Variants in RNF19A observed in about 807,000 individuals in gnomAD.
The protein encoded by RNF19A is E3 ubiquitin-protein ligase RNF19A.
In RNF19A, 32 loss-of-function variants were observed where a neutral mutation model predicts 75.7. The ratio of observed to expected loss-of-function variants is 0.42; its 90% CI spans 0.32 to 0.57. RNF19A has a LOEUF of 0.57. Among genes scored for constraint, RNF19A ranks in the 20% least tolerant of loss-of-function variants. The pLI is 0.10. For missense variants in RNF19A, 782 were observed against 1,036.3 expected (o/e 0.75, Z 3.37); for synonymous variants, 335 against 345.2 (o/e 0.97, Z 0.33).
At chr8:100,335,177 C>T (rs1163177420) in intron 1 of RNF19A, among the ~76,000 whole-genome samples, 1 of 152,100 alleles carries the variant, frequency 6.6e-6, no homozygotes, top group African/African-American at 2.4e-5. Context: ...ACATAGCTCC[C>T]CTATTTATAT....
rs1822492736 is a variant in RNF19A at position 100,323,717 on chromosome 8, A to G, written c.-242-10345T>C. On this transcript the variant is annotated intron_variant, in intron 1 of 3. Transcript: ENST00000519527. This position sits in a 1 kb window ranked among gnomAD's most constrained non-coding sequence, Gnocchi z 4.6. ...TAATTGAAAGTTTGTGTGATATGAA[A>G]AGATAGGCAAGAGATGACATATAAT... Among the ~76,000 whole-genome samples the G allele has an allele frequency of 6.6e-6, 1 of 152,224 alleles. No homozygotes were observed. Among genetic ancestry groups the G allele is most frequent in the Non-Finnish European group, 1.5e-5 (1 of 68,038 alleles).
chr8:100,301,849 A>C (rs757066702), intron 1 of RNF19A, among the ~76,000 whole-genome samples: 1 of 152,212 alleles, frequency 6.6e-6, no homozygotes, highest in Non-Finnish European at 1.5e-5. Context: ...ACTATTTTAA[A>C]CAGGGTGATC....
chr8:100,264,985 G>T lies in RNF19A; in HGVS notation c.1192-200C>A, dbSNP rs913957826. Among the ~76,000 whole-genome samples, 1 of 152,138 alleles carries T rather than the reference G, an allele frequency of 6.6e-6. No individual in the cohort carries two copies. The highest frequency in any genetic ancestry group is 6.5e-5 in the Admixed American group (1 of 15,272). ...ATTTGCTCCTTATTAATTTGCTTAAGACAGTGATTTAATGGATTTTACTTT... is the reference window on the plus strand; with the variant it reads ...ATTTGCTCCTTATTAATTTGCTTAATACAGTGATTTAATGGATTTTACTTT... On this transcript the variant is annotated intron_variant, in intron 5 of 9. Transcript: ENST00000341084. The surrounding 1 kb of genome is among the most constrained non-coding windows in gnomAD (Gnocchi z 4.7).
intron 1 of RNF19A, among the ~76,000 whole-genome samples, chr8:100,290,338 G>C (rs1311815219): frequency 1.3e-5 from 2 of 152,164 alleles, no homozygotes; most frequent in Non-Finnish European, 2.9e-5. Flanking sequence ...CTGACCTCAA[G>C]TGATCCGCCC....
rs1192241233 is a variant in RNF19A at position 100,330,287 on chromosome 8, A to G, written c.-243+5821T>C. Among the ~76,000 whole-genome samples the G allele has an allele frequency of 6.6e-6, 1 of 152,116 alleles. No individual in the cohort carries two copies. The highest frequency in any genetic ancestry group is 1.9e-4 in the East Asian group (1 of 5,194). On this transcript the variant is annotated intron_variant, in intron 1 of 3. Transcript: ENST00000519527. The surrounding 1 kb of genome is among the most constrained non-coding windows in gnomAD (Gnocchi z 4.1). ...TTGTTTTTGACCATAGTGGACTGTT[A>G]TTATTTTTATTATTTTCAACTGTTC...
At chr8:100,308,853 T>A (rs1822169310) in intron 1 of RNF19A, among the ~76,000 whole-genome samples, 1 of 152,212 alleles carries the variant, frequency 6.6e-6, no homozygotes, top group Non-Finnish European at 1.5e-5. Flanking sequence ...TTTTCTAACG[T>A]CACCCCAACA....
rs769705317 is a variant in RNF19A at position 100,329,492 on chromosome 8, G to A, written c.-243+6616C>T. 6.6e-6 allele frequency among the ~76,000 whole-genome samples: 1 copy of A among 152,176 alleles called. No homozygotes were observed. Among genetic ancestry groups the A allele is most frequent in the Non-Finnish European group, 1.5e-5 (1 of 68,028 alleles). On this transcript the variant is annotated intron_variant, in intron 1 of 3. Coordinates refer to the RNF19A transcript ENST00000519527. This position sits in a 1 kb window ranked among gnomAD's most constrained non-coding sequence, Gnocchi z 4.3. The stretch of plus-strand genomic sequence containing the variant: ...AGTCAGTGAATCTTAGGTTGCATTA[G>A]CAAAGCATGTATAGTGTCCAGATAA...
At chr8:100,302,805 C>T (rs1463403753) in intron 1 of RNF19A, among the ~76,000 whole-genome samples, 1 of 152,132 alleles carries the variant, frequency 6.6e-6, no homozygotes, top group African/African-American at 2.4e-5. Flanking sequence ...TAGTGTTTTA[C>T]TCATTCCCCT....
At chr8:100,289,007 C>T (rs1821165423) in intron 1 of RNF19A, among the ~76,000 whole-genome samples, 1 of 150,252 alleles carries the variant, frequency 6.7e-6, no homozygotes, top group Non-Finnish European at 1.5e-5. Context: ...TTGCAGTGAG[C>T]CGAGATTGCG....
At chr8:100,285,226 T>C (rs1359986560) in intron 2 of RNF19A, among the ~76,000 whole-genome samples, 1 of 152,226 alleles carries the variant, frequency 6.6e-6, no homozygotes, top group Non-Finnish European at 1.5e-5. Context: ...AGTAGGTTAA[T>C]CATTCACCTA....
At chr8:100,306,894 T>C (rs191767755) in intron 1 of RNF19A, among the ~76,000 whole-genome samples, 14 of 152,314 alleles carry the variant, frequency 9.2e-5, no homozygotes, top group Non-Finnish European at 1.3e-4. Flanking sequence ...AAGAAAAATT[T>C]AGCTATTCTC....
chr8:100,268,217 T>G (rs1304528314), intron 5 of RNF19A, among the ~76,000 whole-genome samples: 1 of 152,094 alleles, frequency 6.6e-6, no homozygotes, highest in African/African-American at 2.4e-5. Flanking sequence ...CCATTAACCC[T>G]TAACAAAAGA....
rs1197553833 is a variant in RNF19A at position 100,261,880 on chromosome 8, A to AT, written c.1469-126dup. 6.1e-6 allele frequency: 6 copies of AT among 977,772 alleles called. No homozygotes were observed. Among genetic ancestry groups the AT allele is most frequent in the African/African-American group, 1.6e-5 (1 of 61,262 alleles). The allele number at this position is 977,772 out of a possible 1,614,324, so 60.6% of individuals were successfully genotyped here. On this transcript the variant is annotated intron_variant, in intron 7 of 9. Transcript: ENST00000341084. This position sits in a 1 kb window ranked among gnomAD's most constrained non-coding sequence, Gnocchi z 4.4. ...AAAATATACGCAGACATGGAAAAAT[A>AT]TTTTTTTCAGGCTAGTCCACTAGAA...
chr8:100,290,243 C>A (rs1821226755), intron 1 of RNF19A, among the ~76,000 whole-genome samples: 1 of 152,118 alleles, frequency 6.6e-6, no homozygotes, highest in African/African-American at 2.4e-5. Context: ...GCTGGGATTA[C>A]AGGCATGCGC....
rs1318539935 is a variant in RNF19A at position 100,260,880 on chromosome 8, A to G, written c.1682+662T>C. On this transcript the variant is annotated intron_variant, in intron 8 of 9. Coordinates refer to ENST00000341084, the MANE Select transcript of RNF19A (RefSeq NM_183419.4). This position sits in a 1 kb window ranked among gnomAD's most constrained non-coding sequence, Gnocchi z 4.1. ...CCGGTCCCAGTTCACACATTCCTGGATGTCCTGACTCCACCTGTTTCCCAG... is the reference window on the plus strand; with the variant it reads ...CCGGTCCCAGTTCACACATTCCTGGGTGTCCTGACTCCACCTGTTTCCCAG... Among the ~76,000 whole-genome samples the G allele has an allele frequency of 6.6e-6, 1 of 152,308 alleles. No homozygotes were observed. Among genetic ancestry groups the G allele is most frequent in the Admixed American group, 6.5e-5 (1 of 15,304 alleles).
At chr8:100,290,542 A>G (rs1050875818) in intron 1 of RNF19A, among the ~76,000 whole-genome samples, 2 of 152,174 alleles carry the variant, frequency 1.3e-5, no homozygotes, top group African/African-American at 2.4e-5. Flanking sequence ...CCTAATTAAC[A>G]TGTGTTCTCT....
rs1173003607 is a variant in RNF19A, at chr8:100,284,082, T to TA, written c.674+3418dup. On this transcript the variant is annotated intron_variant, in intron 2 of 9. Transcript: ENST00000341084. This position sits in a 1 kb window ranked among gnomAD's most constrained non-coding sequence, Gnocchi z 4.3. ...TAAATATTTGAATGATTATCTGATT[T>TA]AAAAAAAAAAAGCAAAACTTTGGAA... Among the ~76,000 whole-genome samples, 60 of 145,272 alleles carry TA rather than the reference T, an allele frequency of 4.1e-4. No homozygotes were observed. The highest frequency in any genetic ancestry group is 2.2e-3 in the South Asian group (10 of 4,616).
upstream of RNF19A, among the ~76,000 whole-genome samples, chr8:100,310,664 C>T (rs895824552): frequency 6.6e-6 from 1 of 152,212 alleles, no homozygotes; most frequent in African/African-American, 2.4e-5. Flanking sequence ...TCTTAGTGCA[C>T]CTGTCTTTGC....
rs780102078 is a variant in RNF19A at position 100,275,140 on chromosome 8, T to G, written c.696A>C (p.Gly232=). 1 of 1,614,076 alleles carries G rather than the reference T, an allele frequency of 6.2e-7. No homozygotes were observed. Among genetic ancestry groups the G allele is most frequent in the Non-Finnish European group, 8.5e-7 (1 of 1,179,972 alleles). The change falls in exon 3 of 10, where the codon GGA becomes GGC. Residue 232 remains glycine, a synonymous_variant. Coordinates refer to ENST00000341084, the MANE Select transcript of RNF19A (RefSeq NM_183419.4). The surrounding 1 kb of genome is among the most constrained non-coding windows in gnomAD (Gnocchi z 4.3). ...AAGTTAATTTTGGACAGCTGGCACA[T>G]CCAAATGCTATCACAGCATATCTTG... is the stretch of plus-strand genomic sequence containing the variant. The part of the protein sequence containing the change: ...PDCGYAVIAF[G]CASCPKLTCG...
Sources: gnomAD v4.1 joint callset for allele counts (sites outside exome capture counted in the v4.1 genomes callset) on GRCh38, gnomAD v4.1.1 for gene constraint, Gnocchi (gnomAD v3.1) non-coding constraint, MANE v1.5 for transcripts, NCBI Gene and HGNC (gene_info 2026-07-23, HGNC 2026-07-21) for gene names.